Variants in RGS7 observed in about 807,000 individuals in gnomAD.
The protein encoded by RGS7 is regulator of G protein signaling 7, also known as regulator of G-protein signaling 7.
Under a neutral mutation model 81.1 loss-of-function variants are expected in RGS7, and 27 were observed. That is an observed-to-expected ratio of 0.33 (90% confidence interval 0.25 to 0.46). The LOEUF is 0.46. Ranked by LOEUF, RGS7 falls within the 20% of genes least tolerant of loss-of-function variation. The pLI, the probability that RGS7 is intolerant of heterozygous loss-of-function variation, is 1.00. For missense variants in RGS7, 396 were observed against 607.4 expected (o/e 0.65, Z 3.66); for synonymous variants, 208 against 207.7 (o/e 1.00, Z -0.01).
intron 6 of RGS7, among the ~76,000 whole-genome samples, chr1:240,874,679 ACTAAATCAAG>A (rs1229124027): frequency 1.3e-5 from 2 of 152,278 alleles, no homozygotes; most frequent in Non-Finnish European, 2.9e-5. Flanking sequence ...CTTTGCTATG[ACTAAATCAAG>A]CTAATTAACA....
intron 3 of RGS7, among the ~76,000 whole-genome samples, chr1:240,999,837 A>G (rs1687870919): frequency 1.3e-5 from 2 of 152,044 alleles, no homozygotes; most frequent in Admixed American, 6.6e-5. Flanking sequence ...TCTTGGCCTC[A>G]AACAATCCAC....
At chr1:241,128,138 C>T (rs567424534) in intron 2 of RGS7, among the ~76,000 whole-genome samples, 2 of 151,808 alleles carry the variant, frequency 1.3e-5, no homozygotes, top group African/African-American at 2.4e-5. Flanking sequence ...ATTAGCCGGG[C>T]GTGTGGCGGG....
At chr1:240,842,302 G>T (rs1273694097) in intron 9 of RGS7, among the ~76,000 whole-genome samples, 4 of 145,374 alleles carry the variant, frequency 2.8e-5, no homozygotes, top group African/African-American at 5.1e-5. Flanking sequence ...GGTTTCAAGC[G>T]ATTCTCATGC....
At chr1:241,287,411 G>A (rs1482440729) in intron 2 of RGS7, among the ~76,000 whole-genome samples, 1 of 152,090 alleles carries the variant, frequency 6.6e-6, no homozygotes, top group Non-Finnish European at 1.5e-5. Flanking sequence ...TTTATAAAGC[G>A]GAGTTCCCCT....
In RGS7 at chr1:241,280,388, A is replaced by G. The variant is rs564659043; in HGVS notation, c.78+75311T>C. Among the ~76,000 whole-genome samples, 6 of 152,222 alleles carry G rather than the reference A, an allele frequency of 3.9e-5. No homozygotes were observed. In the South Asian group the frequency reaches 1.0e-3, roughly 26 times the overall value. On this transcript the variant is annotated intron_variant, in intron 2 of 18. Coordinates refer to ENST00000440928, the MANE Select transcript of RGS7 (RefSeq NM_001364886.1). ...TTCTAGTCTCCAAAACTATGAGGCA[A>G]TACATTTCTGTTAATTAAGCCACCC...
At chr1:241,302,813 A>T (rs1338818140) in intron 2 of RGS7, among the ~76,000 whole-genome samples, 1 of 152,142 alleles carries the variant, frequency 6.6e-6, no homozygotes, top group Non-Finnish European at 1.5e-5. Flanking sequence ...TTCTGACGTC[A>T]TGTCTTTTCA....
Position 241,001,404 on chromosome 1 carries a change from T to A in RGS7, c.176-18275A>T, listed in dbSNP as rs181023046. ...AAAGGCAACAATTTTAAAAGTAAGA[T>A]AGTAAGGATAAATAGTAAAATAGTA... On this transcript the variant is annotated intron_variant, in intron 3 of 18. Coordinates refer to ENST00000440928, the MANE Select transcript of RGS7 (RefSeq NM_001364886.1). Among the ~76,000 whole-genome samples the A allele has an allele frequency of 4.8e-3, 732 of 152,136 alleles. 9 individuals are homozygous for A. Among genetic ancestry groups the A allele is most frequent in the African/African-American group, 0.017 (700 of 41,512 alleles).
At chr1:240,835,032 A>C (rs1694492317) in intron 9 of RGS7, among the ~76,000 whole-genome samples, 1 of 152,130 alleles carries the variant, frequency 6.6e-6, no homozygotes. Context: ...GAGAACATCT[A>C]GGTGACCTTG....
chr1:240,845,356 A>T (rs1658877170), intron 9 of RGS7, among the ~76,000 whole-genome samples: 1 of 152,214 alleles, frequency 6.6e-6, no homozygotes, highest in Non-Finnish European at 1.5e-5. Flanking sequence ...AAGGTGCAAT[A>T]GACCATTTAA....
intron 2 of RGS7, among the ~76,000 whole-genome samples, chr1:241,283,996 A>C (rs192690002): frequency 4.8e-4 from 73 of 152,134 alleles, no homozygotes; most frequent in African/African-American, 1.7e-3. Context: ...TTCTTTGATA[A>C]GACTTTGTAT....
intron 9 of RGS7, among the ~76,000 whole-genome samples, chr1:240,852,390 C>T (rs1433651170): frequency 1.3e-5 from 2 of 152,106 alleles, no homozygotes; most frequent in Non-Finnish European, 2.9e-5. Flanking sequence ...ATAGTGTAAA[C>T]ATAACTTTTA....
chr1:240,904,207 T>C (rs1670463597), intron 6 of RGS7, among the ~76,000 whole-genome samples: 1 of 152,160 alleles, frequency 6.6e-6, no homozygotes, highest in Non-Finnish European at 1.5e-5. Context: ...AAGAATAAAA[T>C]TTATTGAAAA....
intron 2 of RGS7, among the ~76,000 whole-genome samples, chr1:241,272,459 C>T (rs747378583): frequency 6.6e-6 from 1 of 152,188 alleles, no homozygotes; most frequent in African/African-American, 2.4e-5. Flanking sequence ...TTTCTTAAGC[C>T]TAGAGTGCCT....
intron 2 of RGS7, among the ~76,000 whole-genome samples, chr1:241,171,769 G>C (rs6429249): frequency 0.8 from 122,020 of 152,180 alleles, 49,181 homozygotes; most frequent in East Asian, 0.99. Flanking sequence ...AGCTTTCTCT[G>C]TATGTTCCTC....
At chr1:240,901,573 C>T (rs532247392) in intron 6 of RGS7, among the ~76,000 whole-genome samples, 8 of 152,178 alleles carry the variant, frequency 5.3e-5, no homozygotes, top group South Asian at 2.1e-4. Context: ...TGACATCATA[C>T]TTACGCATAG....
chr1:240,928,662 G>T (rs1343678707), intron 6 of RGS7, among the ~76,000 whole-genome samples: 3 of 145,564 alleles, frequency 2.1e-5, no homozygotes, highest in African/African-American at 5.1e-5. Flanking sequence ...AGGCTAGAGT[G>T]CAGTAGCACG....
At chr1:241,120,262 T>C (rs577354928) in intron 2 of RGS7, among the ~76,000 whole-genome samples, 1 of 152,330 alleles carries the variant, frequency 6.6e-6, no homozygotes, top group Non-Finnish European at 1.5e-5. Flanking sequence ...GTTCAGGGGC[T>C]TTGAGAAGCC....
chr1:240,841,548 T>A (rs1392580775), intron 9 of RGS7, among the ~76,000 whole-genome samples: 1 of 151,394 alleles, frequency 6.6e-6, no homozygotes, highest in African/African-American at 2.4e-5. Context: ...TAACGCCTCT[T>A]CTATTGTGCA....
intron 2 of RGS7, among the ~76,000 whole-genome samples, chr1:241,229,984 C>T (rs1354100089): frequency 6.6e-6 from 1 of 152,170 alleles, no homozygotes; most frequent in Non-Finnish European, 1.5e-5. Context: ...TGAAGGGCTA[C>T]TGCACCACAG....
Sources: gnomAD v4.1 joint callset for allele counts (sites outside exome capture counted in the v4.1 genomes callset) on GRCh38, gnomAD v4.1.1 for gene constraint, MANE v1.5 for transcripts, NCBI Gene and HGNC (gene_info 2026-07-23, HGNC 2026-07-21) for gene names.